Variants in AACS observed in about 807,000 individuals in gnomAD.
AACS encodes the protein acetoacetyl-CoA synthetase.
In AACS, 69 loss-of-function variants were observed where a neutral mutation model predicts 83.1. That is an observed-to-expected ratio of 0.83 (90% CI 0.68 to 1.01). AACS has a LOEUF of 1.01. Among genes scored for constraint, AACS ranks in the 50% least tolerant of loss-of-function variants. The probability of loss-of-function intolerance (pLI) is 0.00; values close to 1 mark genes in which losing one functional copy is unlikely to be tolerated. For missense variants in AACS, 866 were observed against 882.2 expected (o/e 0.98, Z 0.23); for synonymous variants, 333 against 343.4 (o/e 0.97, Z 0.33).
At chr12:125,136,915 C>T (rs1172451656) in intron 17 of AACS, 51 bp downstream of exon 17, 2 of 1,583,784 alleles carry the variant, frequency 1.3e-6, no homozygotes, top group Non-Finnish European at 1.7e-6. Flanking sequence ...CCCCACGAGC[C>T]CACACATTGA....
rs1389031474 is a variant in AACS at position 125,097,723 on chromosome 12, TTCTCAAGACTCAGTGAGCCCCAGAGGAGC to T, written c.571-4953_571-4925del. On this transcript the variant is annotated intron_variant, in intron 5 of 17. Transcript: ENST00000316519. This position sits in a 1 kb window ranked among gnomAD's most constrained non-coding sequence, Gnocchi z 4.3. ...TCAGCACTGGCGGGGCTGCCAGAAG[TTCTCAAGACTCAGTGAGCCCCAGAGGAGC>T]TCACAAGTCCCCAGGGGGAGCCCCA... 6.6e-6 allele frequency among the ~76,000 whole-genome samples: 1 copy of T among 152,118 alleles called. No individual in the cohort carries two copies. Among genetic ancestry groups the T allele is most frequent in the Non-Finnish European group, 1.5e-5 (1 of 68,024 alleles).
At chr12:125,103,937 A>G (rs1311419863) in intron 7 of AACS, among the ~76,000 whole-genome samples, 3 of 139,492 alleles carry the variant, frequency 2.2e-5, no homozygotes, top group Non-Finnish European at 4.6e-5. Context: ...GCAGTGAGCC[A>G]AGATAGCGCC....
In AACS at chr12:125,118,693, C is replaced by T. The variant is rs774811788; in HGVS notation, c.1049C>T (p.Ala350Val). 6 of 1,614,118 alleles carry T rather than the reference C, an allele frequency of 3.7e-6. No homozygotes were observed. In the South Asian group the frequency reaches 6.6e-5, roughly 18 times the overall value. ...GTGTCCCTTCTGGCCACAGGAGCGG[C>T]CATGGTCTTGTACGATGGCTCCCCC... ...WMVSLLATGA[A>V]MVLYDGSPLV... The change falls in exon 10 of 18, where the codon GCC (alanine) becomes GTC (valine). Residue 350 changes from alanine to valine, a missense_variant. By Grantham distance (64) the Ala-to-Val change is moderately conservative (BLOSUM62 0). Transcript: ENST00000316519.
At chr12:125,107,327 C>T in intron 8 of AACS, 59 bp downstream of exon 8, 1 of 1,590,230 alleles carries the variant, frequency 6.3e-7, no homozygotes, top group Non-Finnish European at 8.6e-7. Context: ...TCAACAGGGC[C>T]TCCCAGCTGA....
chr12:125,114,308 C>G, intron 8 of AACS, 169 bp from the exon 9 acceptor site: 1 of 550,390 alleles, frequency 1.8e-6, no homozygotes, highest in Non-Finnish European at 3.2e-6. Context: ...CATGGCTCAT[C>G]ACAGGGGAGT....
rs948016494 is a variant in AACS, at chr12:125,086,548, T to G, written c.472+105T>G. On this transcript the variant is annotated intron_variant, in intron 4 of 17. Coordinates refer to ENST00000316519, the MANE Select transcript of AACS (RefSeq NM_023928.5). ...CAAATAAGGGGGAGTCATGTCATAT[T>G]ACATGGAACCTTGTGGGACTTGGAC... The G allele has an allele frequency of 1.2e-5, 12 of 1,014,596 alleles. No homozygotes were observed. The African/African-American group carries it at 1.6e-4, about 14-fold the overall frequency. The allele number at this position is 1,014,596 out of a possible 1,614,324, so 62.8% of individuals were successfully genotyped here.
At chr12:125,088,875 G>A (rs1956398979) in intron 4 of AACS, among the ~76,000 whole-genome samples, 1 of 152,212 alleles carries the variant, frequency 6.6e-6, no homozygotes, top group African/African-American at 2.4e-5. Flanking sequence ...CCTGATCATA[G>A]TTACTAGGAT....
Position 125,118,216 on chromosome 12 carries a change from G to A in AACS, c.997-425G>A, listed in dbSNP as rs146879245. 19 of 177,912 alleles carry A rather than the reference G, an allele frequency of 1.1e-4. No individual in the cohort carries two copies. In the East Asian group the frequency reaches 1.6e-3, roughly 15 times the overall value. The allele number at this position is 177,912 out of a possible 1,614,324, so 11.0% of individuals were successfully genotyped here. ...ATGAACAATGTCTTGGGGTGGTTCC[G>A]TGTCAGTCCAGACCTCATTCTGTTT... is the stretch of plus-strand genomic sequence containing the variant. On this transcript the variant is annotated intron_variant, in intron 9 of 17. Transcript: ENST00000316519.
At chr12:125,119,165 C>T (rs139273396) in intron 10 of AACS, among the ~76,000 whole-genome samples, 4 of 152,298 alleles carry the variant, frequency 2.6e-5, no homozygotes, top group African/African-American at 7.2e-5. Flanking sequence ...CAGGCAGATT[C>T]GCATTTGCAT....
intron 17 of AACS, among the ~76,000 whole-genome samples, chr12:125,137,343 G>A (rs973693218): frequency 1.3e-5 from 2 of 152,108 alleles, no homozygotes; most frequent in African/African-American, 2.4e-5. Context: ...CAGCATGCCT[G>A]GCTAATTTTT....
At chr12:125,074,113 A>G (rs1955953226) in intron 2 of AACS, 134 bp downstream of exon 2, 1 of 715,024 alleles carries the variant, frequency 1.4e-6, no homozygotes, top group Non-Finnish European at 2.4e-6. Context: ...ATTGCCCTAG[A>G]GAACTGGCAT....
chr12:125,073,136 G>C (rs1480674941), intron 1 of AACS, among the ~76,000 whole-genome samples: 1 of 151,768 alleles, frequency 6.6e-6, no homozygotes, highest in Non-Finnish European at 1.5e-5. Context: ...CACTATTTTG[G>C]CCAGGCTGAT....
In AACS at chr12:125,128,172, A is replaced by T; in HGVS notation, c.1321A>T (p.Ile441Phe). The T allele has an allele frequency of 6.2e-7, 1 of 1,610,686 alleles. No individual in the cohort carries two copies. Among genetic ancestry groups the T allele is most frequent in the Non-Finnish European group, 8.5e-7 (1 of 1,177,546 alleles). Residue 441 changes from isoleucine to phenylalanine, a missense_variant, in exon 13 of 18, where the codon ATC becomes TTC. Coordinates refer to ENST00000316519, the MANE Select transcript of AACS (RefSeq NM_023928.5). The stretch of plus-strand genomic sequence containing the variant: ...GCCATTGCTTGCAGGAGGCACCGAC[A>T]TCATCTCCTGCTTCATGGGCCACAA... ...LLGSISGGTDIISCFMGHNFS... is the reference protein window; with the variant it reads ...LLGSISGGTDFISCFMGHNFS...
chr12:125,071,489 T>C (rs957330727), intron 1 of AACS, among the ~76,000 whole-genome samples: 1 of 152,118 alleles, frequency 6.6e-6, no homozygotes, highest in African/African-American at 2.4e-5. Flanking sequence ...GTAGAAAAAT[T>C]TGCATGATCC....
Position 125,142,463 on chromosome 12 carries a change from G to A in AACS, c.*234G>A, listed in dbSNP as rs1957515796. The A allele has an allele frequency of 5.3e-6, 3 of 562,574 alleles. No individual in the cohort carries two copies. The Admixed American group carries it at 9.4e-5, about 18-fold the overall frequency. 34.8% of individuals were successfully genotyped at this position (562,574 alleles called of 1,614,324 possible). A position where few individuals can be genotyped will look rare whatever the true frequency, so the allele number is the denominator to read the frequency against. Reference sequence around the variant, plus strand: ...AGGAGGGAGTGTCTGGGCCGCAGGTGTGGCACTGTGGTGAGAGTGTGTGTC... The same window carrying A: ...AGGAGGGAGTGTCTGGGCCGCAGGTATGGCACTGTGGTGAGAGTGTGTGTC... On this transcript the variant is annotated 3_prime_UTR_variant, in exon 18 of 18. Coordinates refer to ENST00000316519, the MANE Select transcript of AACS (RefSeq NM_023928.5).
At position 125,098,237 on chromosome 12, in the gene AACS, C is replaced by T. The variant is rs554494206; in HGVS notation, c.571-4442C>T. On this transcript the variant is annotated intron_variant, in intron 5 of 17. Coordinates refer to ENST00000316519, the MANE Select transcript of AACS (RefSeq NM_023928.5). The stretch of plus-strand genomic sequence containing the variant: ...TTGAATCCCGGAGTTTGAGAGCAGC[C>T]TGGGCAACATGGCAAAACTCCATCT... 5.3e-5 allele frequency among the ~76,000 whole-genome samples: 8 copies of T among 152,024 alleles called. No individual in the cohort carries two copies. In the East Asian group the frequency reaches 1.6e-3, roughly 29 times the overall value.
At chr12:125,086,197 C>T (rs1329907593) in intron 3 of AACS, 133 bp from the exon 4 acceptor site, 3 of 710,604 alleles carry the variant, frequency 4.2e-6, no homozygotes, top group Non-Finnish European at 4.8e-6. Flanking sequence ...TGCTTGTGTT[C>T]CCTGCGTCTG....
intron 5 of AACS, among the ~76,000 whole-genome samples, chr12:125,096,657 G>C (rs1213093170): frequency 6.6e-6 from 1 of 152,214 alleles, no homozygotes; most frequent in African/African-American, 2.4e-5. Context: ...GTGTTACCTT[G>C]ATATTTGCAT....
At chr12:125,110,666 CA>C in intron 8 of AACS, among the ~76,000 whole-genome samples, 1 of 152,314 alleles carries the variant, frequency 6.6e-6, no homozygotes, top group South Asian at 2.1e-4. Context: ...TTCTGATCAC[CA>C]CTTTTTCCCC....
Sources: gnomAD v4.1 joint callset for allele counts (sites outside exome capture counted in the v4.1 genomes callset) on GRCh38, gnomAD v4.1.1 for gene constraint, Gnocchi (gnomAD v3.1) non-coding constraint, MANE v1.5 for transcripts, NCBI Gene and HGNC (gene_info 2026-07-23, HGNC 2026-07-21) for gene names.